CLHC1: variants seen among roughly 807,000 people sequenced by gnomAD.
CLHC1 encodes clathrin heavy chain linker domain containing 1.
Under a neutral mutation model 69.5 loss-of-function variants are expected in CLHC1, and 72 were observed. The observed-to-expected ratio is 1.04, with a 90% CI of 0.86 to 1.26. CLHC1 has a LOEUF of 1.26. CLHC1 is among the 50% of genes most tolerant of loss of function. The pLI, the probability that CLHC1 is intolerant of heterozygous loss-of-function variation, is 0.00. For synonymous variants in CLHC1, 223 were observed against 224.3 expected, an observed-to-expected ratio of 0.99 and a Z score of 0.05; for missense variants, 790 against 679.3, an observed-to-expected ratio of 1.16 and a Z score of -1.81.
Position 55,223,592 on chromosome 2 carries a change from C to T in CLHC1, c.-82-1099G>A, listed in dbSNP as rs533740843. On this transcript the variant is annotated intron_variant, in intron 2 of 12. Coordinates refer to ENST00000401408, the MANE Select transcript of CLHC1 (RefSeq NM_152385.4). Reference sequence around the variant, plus strand: ...CCGGATGGAGGAGCGGCGTGTCGGCCTCGGGGGACGGTTCCCCCGACCTCA... The same window carrying T: ...CCGGATGGAGGAGCGGCGTGTCGGCTTCGGGGGACGGTTCCCCCGACCTCA... 2.2e-4 allele frequency among the ~76,000 whole-genome samples: 33 copies of T among 151,770 alleles called. No homozygotes were observed. In the South Asian group the frequency reaches 6.9e-3, roughly 32 times the overall value.
At chr2:55,225,476 A>C (rs1674600288) in intron 2 of CLHC1, 1 of 152,140 alleles carries the variant, frequency 6.6e-6, no homozygotes, top group Admixed American at 6.5e-5. Flanking sequence ...CTCCCAGGGC[A>C]CTCTGGACCC....
rs545164632 is a variant in CLHC1 at position 55,203,022 on chromosome 2, A to G, written c.1006+3248T>C. ...CAAACAATCTGAAAAAGAAATTTAAAAAAGTAATCCTGCTTATAATAGCCA... is the reference window on the plus strand; with the variant it reads ...CAAACAATCTGAAAAAGAAATTTAAGAAAGTAATCCTGCTTATAATAGCCA... On this transcript the variant is annotated intron_variant, in intron 9 of 12. Transcript: ENST00000401408. Among the ~76,000 whole-genome samples the G allele has an allele frequency of 3.9e-5, 6 of 152,330 alleles. No homozygotes were observed. In the South Asian group the frequency reaches 1.0e-3, roughly 26 times the overall value.
At chr2:55,181,225 C>A (rs550882822) in intron 10 of CLHC1, among the ~76,000 whole-genome samples, 17 of 152,126 alleles carry the variant, frequency 1.1e-4, no homozygotes, top group Non-Finnish European at 5.9e-5. Flanking sequence ...AAGTCATCTG[C>A]CCACCTCGGA....
In CLHC1 at chr2:55,191,677, A is replaced by G. The variant is rs905886448; in HGVS notation, c.1007-9933T>C. On this transcript the variant is annotated intron_variant, in intron 9 of 12. Coordinates refer to ENST00000401408, the MANE Select transcript of CLHC1 (RefSeq NM_152385.4). ...TAGAATGGAGTAAGTTAAAGATACAATCTATAAAACCTACAGCACAACCAA... is the reference window on the plus strand; with the variant it reads ...TAGAATGGAGTAAGTTAAAGATACAGTCTATAAAACCTACAGCACAACCAA... 2.6e-5 allele frequency among the ~76,000 whole-genome samples: 4 copies of G among 152,204 alleles called. No individual in the cohort carries two copies. In the East Asian group the frequency reaches 7.7e-4, roughly 29 times the overall value.
chr2:55,177,143 G>C (rs1669469228), intron 12 of CLHC1, among the ~76,000 whole-genome samples: 1 of 152,160 alleles, frequency 6.6e-6, no homozygotes, highest in Non-Finnish European at 1.5e-5. Flanking sequence ...AAAGTGCTGG[G>C]ATTACAGGGG....
At chr2:55,180,241 T>C (rs191545894) in intron 11 of CLHC1, among the ~76,000 whole-genome samples, 32 of 152,246 alleles carry the variant, frequency 2.1e-4, no homozygotes, top group Non-Finnish European at 3.7e-4. Flanking sequence ...GCTAAATCTA[T>C]CTTTAAAACT....
chr2:55,177,834 C>T, intron 11 of CLHC1, 53 bp from the exon 12 acceptor site: 3 of 1,335,966 alleles, frequency 2.2e-6, no homozygotes, highest in Non-Finnish European at 3.1e-6. Context: ...CATAAATCAA[C>T]TAGAAACTAG....
At chr2:55,209,368 A>T (rs554061282) in intron 7 of CLHC1, 36 bp downstream of exon 7, 1 of 1,326,266 alleles carries the variant, frequency 7.5e-7, no homozygotes, top group East Asian at 2.3e-5. Flanking sequence ...AATGTCTTCC[A>T]TTATTGGTAC....
chr2:55,192,171 G>A (rs1670996272), intron 9 of CLHC1, among the ~76,000 whole-genome samples: 2 of 152,136 alleles, frequency 1.3e-5, no homozygotes, highest in African/African-American at 4.8e-5. Flanking sequence ...CCAGGCTGGA[G>A]TGCAGTAGTG....
chr2:55,212,596 T>G, intron 5 of CLHC1, 77 bp downstream of exon 5: 2 of 1,161,548 alleles, frequency 1.7e-6, no homozygotes, highest in Non-Finnish European at 2.6e-6. Context: ...ATCAGCACAT[T>G]TATATTAATG....
At position 55,180,684 on chromosome 2, in the gene CLHC1, C is replaced by T; in HGVS notation, c.1210G>A (p.Val404Met). 1.2e-6 allele frequency: 2 copies of T among 1,614,058 alleles called. No homozygotes were observed. Among genetic ancestry groups the T allele is most frequent in the South Asian group, 2.2e-5 (2 of 91,086 alleles). ...RLTFSEEAGDVICDYGEQDTY... is the reference protein window; with the variant it reads ...RLTFSEEAGDMICDYGEQDTY... Reference sequence around the variant, plus strand: ...TCCTGCTCCCCATAATCACAAATCACATCCCCAGCCTCCTCAGAAAATGTC... The same window carrying T: ...TCCTGCTCCCCATAATCACAAATCATATCCCCAGCCTCCTCAGAAAATGTC... Residue 404 changes from valine to methionine, a missense_variant, in exon 11 of 13, where the codon GTG becomes ATG. Val to Met is a conservative substitution (Grantham distance 21). Coordinates refer to ENST00000401408, the MANE Select transcript of CLHC1 (RefSeq NM_152385.4).
At chr2:55,219,209 A>C (rs1381748677) in intron 3 of CLHC1, among the ~76,000 whole-genome samples, 1 of 152,164 alleles carries the variant, frequency 6.6e-6, no homozygotes, top group Non-Finnish European at 1.5e-5. Flanking sequence ...CAACAATCCA[A>C]GACAACTCAG....
intron 3 of CLHC1, among the ~76,000 whole-genome samples, chr2:55,220,511 G>A (rs748731793): frequency 6.6e-6 from 1 of 152,100 alleles, no homozygotes; most frequent in Non-Finnish European, 1.5e-5. Flanking sequence ...TGTGCAAATA[G>A]TACAAACAGA....
Position 55,212,806 on chromosome 2 carries a change from T to A in CLHC1, c.366A>T (p.Lys122Asn), listed in dbSNP as rs767839541. 13 of 1,600,932 alleles carry A rather than the reference T, an allele frequency of 8.1e-6. No homozygotes were observed. Among genetic ancestry groups the A allele is most frequent in the African/African-American group, 4.0e-5 (3 of 74,672 alleles). Reference sequence around the variant, plus strand: ...AGGAATTACTTTCGATAATCCTCATTCTGGAAAACAGAAAGGCTTTCTTAT... The same window carrying A: ...AGGAATTACTTTCGATAATCCTCATACTGGAAAACAGAAAGGCTTTCTTAT... ...YRKRTIQLEA[K>N]MRIIESNSSK... Residue 122 changes from lysine to asparagine, a missense_variant and splice_region_variant, in exon 5 of 13, where the codon AAA (lysine) becomes AAT (asparagine). Physicochemically the swap from Lys to Asn is moderately conservative, Grantham distance 94. Transcript: ENST00000401408.
At chr2:55,197,946 T>C (rs910036838) in intron 9 of CLHC1, among the ~76,000 whole-genome samples, 4 of 152,060 alleles carry the variant, frequency 2.6e-5, no homozygotes, top group African/African-American at 9.7e-5. Context: ...CTCAACAAAA[T>C]TTAAGATAAC....
At chr2:55,190,674 T>C (rs189304007) in intron 9 of CLHC1, among the ~76,000 whole-genome samples, 121 of 152,066 alleles carry the variant, frequency 8.0e-4, no homozygotes, top group African/African-American at 2.7e-3. Flanking sequence ...AAAACAGCAA[T>C]AGAAAATATC....
intron 9 of CLHC1, among the ~76,000 whole-genome samples, chr2:55,202,776 G>T (rs1044445897): frequency 1.7e-4 from 26 of 151,392 alleles, no homozygotes; most frequent in African/African-American, 5.1e-4. Context: ...GTGCACACCT[G>T]TTGGCCCAGC....
chr2:55,208,918 TG>T (rs1433490850), intron 7 of CLHC1, among the ~76,000 whole-genome samples: 3 of 138,660 alleles, frequency 2.2e-5, no homozygotes, highest in African/African-American at 8.0e-5. Flanking sequence ...TCACCCAGGC[TG>T]GAGTGCAGTG....
chr2:55,195,726 C>T (rs535259864), intron 9 of CLHC1, among the ~76,000 whole-genome samples: 37 of 152,262 alleles, frequency 2.4e-4, no homozygotes, highest in Non-Finnish European at 1.5e-5. Flanking sequence ...CACTTGAACC[C>T]AGGAGGCGGA....
Sources: allele counts gnomAD v4.1 joint callset (sites outside exome capture counted in the v4.1 genomes callset), GRCh38; gene constraint gnomAD v4.1.1; transcripts MANE v1.5; gene names NCBI Gene and HGNC (gene_info 2026-07-23, HGNC 2026-07-21).